The following HCN1 variants were observed in gnomAD, a reference collection of about 807,000 sequenced individuals.
HCN1 encodes potassium/sodium hyperpolarization-activated cyclic nucleotide-gated channel 1.
A neutral mutation model predicts 78.9 loss-of-function variants in HCN1; 13 were observed. That is an observed-to-expected ratio of 0.16 (90% CI 0.11 to 0.26). HCN1 has a LOEUF of 0.26. Among genes scored for constraint, HCN1 ranks in the 10% least tolerant of loss-of-function variants. The pLI, the probability that HCN1 is intolerant of heterozygous loss-of-function variation, is 1.00. For missense variants in HCN1, 810 were observed against 1,154.3 expected (o/e 0.70, Z 4.32); for synonymous variants, 552 against 455.5 (o/e 1.21, Z -2.70).
At chr5:45,682,253 TATC>T (rs1175592335) in intron 1 of HCN1, among the ~76,000 whole-genome samples, 1 of 129,978 alleles carries the variant, frequency 7.7e-6, no homozygotes, top group Non-Finnish European at 1.6e-5. Flanking sequence ...GACAACAAGA[TATC>T]ATATATATAT....
At chr5:45,286,091 A>C (rs1001765302) in intron 6 of HCN1, among the ~76,000 whole-genome samples, 2 of 151,994 alleles carry the variant, frequency 1.3e-5, no homozygotes, top group African/African-American at 4.8e-5. Flanking sequence ...TCTGTTTCTC[A>C]TTATATAGGA....
At chr5:45,467,388 A>T (rs1741294947) in intron 2 of HCN1, among the ~76,000 whole-genome samples, 2 of 152,056 alleles carry the variant, frequency 1.3e-5, no homozygotes, top group Admixed American at 6.6e-5. Context: ...ATTTGCCTAC[A>T]CTACCCATAA....
chr5:45,574,042 G>C (rs1385214876), intron 2 of HCN1, among the ~76,000 whole-genome samples: 1 of 151,930 alleles, frequency 6.6e-6, no homozygotes, highest in Non-Finnish European at 1.5e-5. Flanking sequence ...TGTGCCCATT[G>C]AATATGGTAA....
At chr5:45,339,770 C>A (rs1020365509) in intron 5 of HCN1, among the ~76,000 whole-genome samples, 1 of 152,144 alleles carries the variant, frequency 6.6e-6, no homozygotes, top group Non-Finnish European at 1.5e-5. Flanking sequence ...ATATTAGTCA[C>A]AATTTAGCAA....
rs1328720542 is a variant in HCN1 at position 45,611,976 on chromosome 5, A to C, written c.849+33209T>G. ...TTATAAATATGTATGTTGCCCAAAAACACAAATATTTACAAACAAGTTTTC... is the reference window on the plus strand; with the variant it reads ...TTATAAATATGTATGTTGCCCAAAACCACAAATATTTACAAACAAGTTTTC... On this transcript the variant is annotated intron_variant, in intron 2 of 7. Transcript: ENST00000303230. 1.3e-5 allele frequency among the ~76,000 whole-genome samples: 2 copies of C among 152,180 alleles called. 1 individual carries two copies. The highest frequency in any genetic ancestry group is 4.8e-5 in the African/African-American group (2 of 41,452).
chr5:45,335,562 TG>T (rs1156700866), intron 5 of HCN1, among the ~76,000 whole-genome samples: 1 of 152,082 alleles, frequency 6.6e-6, no homozygotes, highest in Admixed American at 6.6e-5. Flanking sequence ...TCCTGAGTAC[TG>T]GCCTGATACC....
At chr5:45,323,025 C>A (rs1746153869) in intron 5 of HCN1, among the ~76,000 whole-genome samples, 1 of 151,728 alleles carries the variant, frequency 6.6e-6, no homozygotes, top group Non-Finnish European at 1.5e-5. Flanking sequence ...TTAACGTTAA[C>A]CCATTTAAGC....
chr5:45,300,729 A>T (rs1745596597), intron 6 of HCN1, among the ~76,000 whole-genome samples: 1 of 152,110 alleles, frequency 6.6e-6, no homozygotes, highest in Middle Eastern at 3.2e-3. Context: ...GTTCAAGATC[A>T]ACTGTATACT....
At chr5:45,273,249 A>T (rs1744992671) in intron 6 of HCN1, among the ~76,000 whole-genome samples, 1 of 152,102 alleles carries the variant, frequency 6.6e-6, no homozygotes, top group African/African-American at 2.4e-5. Flanking sequence ...CTGTATAGGA[A>T]CATAGACAAC....
At chr5:45,377,571 A>G (rs1304692388) in intron 4 of HCN1, among the ~76,000 whole-genome samples, 4 of 151,890 alleles carry the variant, frequency 2.6e-5, no homozygotes, top group African/African-American at 4.8e-5. Context: ...AAAGTTAATG[A>G]CTTTGGTAAG....
intron 2 of HCN1, among the ~76,000 whole-genome samples, chr5:45,599,680 T>G (rs1224303393): frequency 1.3e-5 from 2 of 152,168 alleles, no homozygotes; most frequent in African/African-American, 4.8e-5. Flanking sequence ...AGAAAAATAA[T>G]AGTCGAGTTG....
intron 4 of HCN1, 127 bp from the exon 5 acceptor site, chr5:45,353,373 G>T (rs1746950489): frequency 4.2e-6 from 3 of 721,866 alleles, no homozygotes; most frequent in Non-Finnish European, 4.6e-6. Flanking sequence ...AATCCTTTAA[G>T]ATGAAGGAAC....
chr5:45,666,763 T>C (rs766049383), intron 1 of HCN1, among the ~76,000 whole-genome samples: 14 of 151,950 alleles, frequency 9.2e-5, no homozygotes, highest in African/African-American at 2.7e-4. Flanking sequence ...CCTAAATAAA[T>C]TGAATAAATG....
chr5:45,345,618 T>C (rs1746685883), intron 5 of HCN1, among the ~76,000 whole-genome samples: 2 of 152,202 alleles, frequency 1.3e-5, no homozygotes, highest in Non-Finnish European at 2.9e-5. Context: ...TGCTAAAGCA[T>C]AACAAGAGTC....
intron 3 of HCN1, 144 bp from the exon 4 acceptor site, chr5:45,396,854 C>G (rs1739697671): frequency 2.8e-6 from 2 of 711,858 alleles, no homozygotes; most frequent in African/African-American, 1.8e-5. Flanking sequence ...GTACTTCTCA[C>G]TAACTGTGAA....
intron 6 of HCN1, among the ~76,000 whole-genome samples, chr5:45,278,881 T>A (rs1459095277): frequency 6.6e-6 from 1 of 152,132 alleles, no homozygotes; most frequent in Non-Finnish European, 1.5e-5. Context: ...CTGCTTTTTT[T>A]AAATTAAGAA....
At chr5:45,593,629 C>A (rs1317329564) in intron 2 of HCN1, among the ~76,000 whole-genome samples, 1 of 130,432 alleles carries the variant, frequency 7.7e-6, no homozygotes, top group Non-Finnish European at 1.6e-5. Flanking sequence ...ATGGCTACAG[C>A]GGGGTAGCTA....
intron 5 of HCN1, among the ~76,000 whole-genome samples, chr5:45,352,383 G>C (rs1746925881): frequency 6.6e-6 from 1 of 151,838 alleles, no homozygotes; most frequent in Admixed American, 6.6e-5. Flanking sequence ...TGTGCAGTGG[G>C]GGGAGGGGGA....
At chr5:45,589,037 G>A (rs1281000333) in intron 2 of HCN1, among the ~76,000 whole-genome samples, 1 of 152,152 alleles carries the variant, frequency 6.6e-6, no homozygotes, top group Non-Finnish European at 1.5e-5. Flanking sequence ...AGACAACAGT[G>A]GTTCTGAGAG....
Sources: allele counts gnomAD v4.1 joint callset (sites outside exome capture counted in the v4.1 genomes callset), GRCh38; gene constraint gnomAD v4.1.1; transcripts MANE v1.5; gene names NCBI Gene and HGNC (gene_info 2026-07-23, HGNC 2026-07-21).